Variants in KANK1 observed in about 807,000 individuals in gnomAD.
KANK1 encodes the protein KN motif and ankyrin repeat domain-containing protein 1.
In KANK1, 109 loss-of-function variants were observed where a neutral mutation model predicts 106.2. The ratio of observed to expected loss-of-function variants is 1.03; its 90% CI spans 0.88 to 1.20. The LOEUF (loss-of-function observed/expected upper bound fraction) is 1.20, where lower values mean the gene tolerates loss of function less well. Among genes scored for constraint, KANK1 ranks in the 50% most tolerant of loss-of-function variants. The pLI is 0.00. For missense variants in KANK1, 2,399 were observed against 1,710.7 expected (o/e 1.40, Z -7.10); for synonymous variants, 873 against 652.2 (o/e 1.34, Z -5.16).
At chr9:634,876 G>C (rs1235652750) in intron 1 of KANK1, among the ~76,000 whole-genome samples, 1 of 152,168 alleles carries the variant, frequency 6.6e-6, no homozygotes, top group African/African-American at 2.4e-5. Flanking sequence ...ACTTCACTCT[G>C]CCATCCACTA....
intron 3 of KANK1, among the ~76,000 whole-genome samples, chr9:493,736 A>G (rs892200535): frequency 7.9e-5 from 12 of 151,284 alleles, no homozygotes; most frequent in Admixed American, 2.0e-4. Context: ...TAGTAGAGAC[A>G]GGGTTTCACC....
At chr9:635,497 G>C (rs543018896) in intron 1 of KANK1, among the ~76,000 whole-genome samples, 1 of 151,332 alleles carries the variant, frequency 6.6e-6, no homozygotes, top group Non-Finnish European at 1.5e-5. Flanking sequence ...CTAATACCAC[G>C]CACAGATGGA....
chr9:744,071 G>T (rs561922898), intron 10 of KANK1, among the ~76,000 whole-genome samples: 1 of 152,156 alleles, frequency 6.6e-6, no homozygotes, highest in Non-Finnish European at 1.5e-5. Context: ...GCCTTAAACC[G>T]AGGTGGTTTA....
upstream of KANK1, among the ~76,000 whole-genome samples, chr9:504,513 G>T (rs1479923787): frequency 2.0e-5 from 3 of 150,244 alleles, no homozygotes; most frequent in African/African-American, 7.5e-5. Context: ...GGGCTTCGCC[G>T]GCCCGCGCCG....
intron 1 of KANK1, among the ~76,000 whole-genome samples, chr9:508,759 A>G (rs1342209939): frequency 6.8e-6 from 1 of 146,340 alleles, no homozygotes; most frequent in East Asian, 1.9e-4. Context: ...GTAATATTCA[A>G]TTGTATGACT....
At chr9:575,793 G>A (rs1413323339) in intron 1 of KANK1, among the ~76,000 whole-genome samples, 3 of 152,198 alleles carry the variant, frequency 2.0e-5, no homozygotes, top group African/African-American at 7.2e-5. Flanking sequence ...AGGCCAAGGC[G>A]GGCCCGATCA....
chr9:615,068 T>C (rs111686578), intron 1 of KANK1, among the ~76,000 whole-genome samples: 3 of 151,752 alleles, frequency 2.0e-5, no homozygotes, highest in Non-Finnish European at 4.4e-5. Context: ...GCCTTCCGAG[T>C]AGCTGGTACC....
chr9:622,321 G>A (rs946007073), intron 1 of KANK1, among the ~76,000 whole-genome samples: 3 of 152,108 alleles, frequency 2.0e-5, no homozygotes, highest in Admixed American at 2.0e-4. Context: ...CTCTAGGTGT[G>A]GTGAAAGACT....
At chr9:578,800 C>A (rs1309678951) in intron 1 of KANK1, among the ~76,000 whole-genome samples, 1 of 152,122 alleles carries the variant, frequency 6.6e-6, no homozygotes, top group African/African-American at 2.4e-5. Flanking sequence ...TAATATTACT[C>A]TACATAATCA....
rs62531240 is a variant in KANK1 at position 738,992 on chromosome 9, T to C, written c.3553+488T>C. Among the ~76,000 whole-genome samples, 492 of 152,318 alleles carry C rather than the reference T, an allele frequency of 3.2e-3. 1 individual carries two copies. The highest frequency in any genetic ancestry group is 5.0e-3 in the South Asian group (24 of 4,822). On this transcript the variant is annotated intron_variant, in intron 8 of 11. Coordinates refer to ENST00000382297, the MANE Select transcript of KANK1 (RefSeq NM_015158.5). ...GACTAAGCAAAGCCACCTTAACAGA[T>C]GGTCAAATGATCACCATTCTCACCA...
chr9:697,385 G>T (rs766741410), intron 2 of KANK1, among the ~76,000 whole-genome samples: 2 of 151,796 alleles, frequency 1.3e-5, no homozygotes, highest in Non-Finnish European at 2.9e-5. Flanking sequence ...TTTTTTTTAT[G>T]ATTGACATTT....
rs115132713 is a variant in KANK1, at chr9:544,300, G to A, written c.-84+39546G>A. ...GGCCTCCCGAAGTGCTAGGAGTACA[G>A]GCAAGAGCCACTGCACCTGGCCCTG... is the stretch of plus-strand genomic sequence containing the variant. On this transcript the variant is annotated intron_variant, in intron 1 of 11. Transcript: ENST00000382297. Among the ~76,000 whole-genome samples, 856 of 152,232 alleles carry A rather than the reference G, an allele frequency of 5.6e-3. 11 individuals carry two copies. The highest frequency in any genetic ancestry group is 0.02 in the African/African-American group (821 of 41,530).
intron 1 of KANK1, among the ~76,000 whole-genome samples, chr9:569,457 T>C (rs903225): frequency 0.34 from 52,115 of 151,922 alleles, 11,450 homozygotes; most frequent in South Asian, 0.56. Flanking sequence ...GGACCTGAGC[T>C]AGCACACTCG....
chr9:607,847 A>C (rs1219975801), intron 1 of KANK1, among the ~76,000 whole-genome samples: 1 of 151,664 alleles, frequency 6.6e-6, no homozygotes, highest in Non-Finnish European at 1.5e-5. Context: ...AAATTAGGCC[A>C]ATCTTTTGGA....
chr9:578,233 A>G (rs1821109770), intron 1 of KANK1, among the ~76,000 whole-genome samples: 1 of 152,212 alleles, frequency 6.6e-6, no homozygotes, highest in African/African-American at 2.4e-5. Context: ...TATTTGCTTC[A>G]AACAAAGTAG....
At chr9:514,431 A>G (rs1269981887) in intron 1 of KANK1, among the ~76,000 whole-genome samples, 2 of 150,412 alleles carry the variant, frequency 1.3e-5, no homozygotes, top group African/African-American at 5.0e-5. Flanking sequence ...AAATGGAGCC[A>G]CAGACCAATC....
chr9:531,574 T>A (rs558630854), intron 1 of KANK1, among the ~76,000 whole-genome samples: 2 of 152,274 alleles, frequency 1.3e-5, no homozygotes, highest in East Asian at 3.9e-4. Flanking sequence ...GATAAAGAGA[T>A]TTGATTGTGG....
intron 3 of KANK1, among the ~76,000 whole-genome samples, chr9:482,886 G>A (rs1410135511): frequency 1.3e-5 from 2 of 152,132 alleles, no homozygotes; most frequent in Non-Finnish European, 2.9e-5. Context: ...GTTCTGAGTA[G>A]CATGATGAAA....
intron 1 of KANK1, among the ~76,000 whole-genome samples, chr9:577,990 C>G (rs998933093): frequency 6.6e-6 from 1 of 152,114 alleles, no homozygotes; most frequent in Non-Finnish European, 1.5e-5. Context: ...TTCCCTCACT[C>G]AGAGCCCAGC....
Sources: allele counts gnomAD v4.1 joint callset (sites outside exome capture counted in the v4.1 genomes callset), GRCh38; gene constraint gnomAD v4.1.1; transcripts MANE v1.5; gene names NCBI Gene and HGNC (gene_info 2026-07-23, HGNC 2026-07-21).